The following ALDH18A1 variants were observed in gnomAD, a reference collection of about 807,000 sequenced individuals.
The protein encoded by ALDH18A1 is delta-1-pyrroline-5-carboxylate synthase.
A neutral mutation model predicts 88.8 loss-of-function variants in ALDH18A1; 44 were observed. The observed-to-expected ratio is 0.50, with a 90% CI of 0.39 to 0.64. The LOEUF (loss-of-function observed/expected upper bound fraction) is 0.64. Ranked by LOEUF, ALDH18A1 falls within the 30% of genes least tolerant of loss-of-function variation. ALDH18A1 has a pLI of 0.00. For synonymous variants in ALDH18A1, 331 were observed against 372.1 expected (o/e 0.89, Z 1.27); for missense variants, 782 against 1,009.5 (o/e 0.77, Z 3.05).
intron 2 of ALDH18A1, among the ~76,000 whole-genome samples, chr10:95,643,643 A>G (rs2097895980): frequency 6.6e-6 from 1 of 152,250 alleles, no homozygotes; most frequent in Non-Finnish European, 1.5e-5. Context: ...AGAAAAATAC[A>G]TGTTAATTTC....
At chr10:95,612,460 C>T (rs551964626) in intron 15 of ALDH18A1, among the ~76,000 whole-genome samples, 1 of 152,306 alleles carries the variant, frequency 6.6e-6, no homozygotes, top group Admixed American at 6.5e-5. Flanking sequence ...TGCCTTGGCT[C>T]AAGTTATAAG....
Position 95,628,461 on chromosome 10 carries a change from A to C in ALDH18A1, c.840T>G (p.Asp280Glu). ...GATAAAATATATCAATAAGCTTTGC[A>C]TCATCTGAACCTGGGGGGCTGTCAA... ...GLFDSPPGSD[D>E]AKLIDIFYPG... The change falls in exon 8 of 18, where the codon GAT (aspartate) becomes GAG (glutamate). Residue 280 changes from aspartate (D) to glutamate (E), a missense_variant. Coordinates refer to ENST00000371224, the MANE Select transcript of ALDH18A1 (RefSeq NM_002860.4). 6.2e-7 allele frequency: 1 copy of C among 1,614,000 alleles called. No individual in the cohort carries two copies. The highest frequency in any genetic ancestry group is 8.5e-7 in the Non-Finnish European group (1 of 1,179,976).
intron 17 of ALDH18A1, among the ~76,000 whole-genome samples, chr10:95,608,771 G>C (rs996441967): frequency 2.0e-5 from 3 of 152,226 alleles, no homozygotes; most frequent in African/African-American, 7.2e-5. Context: ...AAAGTGCCGG[G>C]ATTACAGGTG....
At chr10:95,647,142 AC>A (rs2097902613) in intron 2 of ALDH18A1, among the ~76,000 whole-genome samples, 1 of 152,100 alleles carries the variant, frequency 6.6e-6, no homozygotes, top group South Asian at 2.1e-4. Flanking sequence ...AAATTCAAAA[AC>A]CTAGGGAAAC....
chr10:95,645,588 G>T (rs921879603), intron 2 of ALDH18A1, among the ~76,000 whole-genome samples: 2 of 152,172 alleles, frequency 1.3e-5, no homozygotes, highest in African/African-American at 2.4e-5. Flanking sequence ...ATCTTAGAAA[G>T]AACATTTCTA....
chr10:95,620,328 T>G (rs907354850), intron 12 of ALDH18A1, among the ~76,000 whole-genome samples: 1 of 152,198 alleles, frequency 6.6e-6, no homozygotes. Flanking sequence ...TTTTACACTG[T>G]TGGTGGGAGT....
intron 3 of ALDH18A1, among the ~76,000 whole-genome samples, chr10:95,638,556 A>G (rs979259713): frequency 1.3e-5 from 2 of 152,180 alleles, no homozygotes; most frequent in African/African-American, 4.8e-5. Flanking sequence ...AGGAAATGCA[A>G]CGCAGACTCA....
At chr10:95,628,522 G>A (rs111931001) in intron 7 of ALDH18A1, 30 bp from the exon 8 acceptor site, 3 of 1,608,876 alleles carry the variant, frequency 1.9e-6, no homozygotes, top group East Asian at 2.2e-5. Context: ...CAGTAATACT[G>A]CTTTGATGGA....
rs376318375 is a variant in ALDH18A1 at position 95,625,100 on chromosome 10, T to C, written c.1246+262A>G. Among the ~76,000 whole-genome samples the C allele has an allele frequency of 1.4e-4, 22 of 152,326 alleles. No homozygotes were observed. The East Asian group carries it at 3.1e-3, about 21-fold the overall frequency. ...TTAAGCAGTGGGGTTCTCAATCTTG[T>C]TCTTTTTTGTCCTGACCGCCATAGT... On this transcript the variant is annotated intron_variant, in intron 11 of 17. Transcript: ENST00000371224.
intron 5 of ALDH18A1, among the ~76,000 whole-genome samples, chr10:95,635,370 G>A (rs1222583210): frequency 6.6e-6 from 1 of 152,154 alleles, no homozygotes. Context: ...CACAAACATG[G>A]CCTGGGGATC....
intron 10 of ALDH18A1, among the ~76,000 whole-genome samples, chr10:95,625,898 AG>A (rs2097859747): frequency 1.3e-5 from 2 of 152,034 alleles, no homozygotes; most frequent in Non-Finnish European, 2.9e-5. Context: ...ATCATTAGTT[AG>A]TTTATGTCCA....
At position 95,611,308 on chromosome 10, in the gene ALDH18A1, G is replaced by C; in HGVS notation, c.2058C>G (p.Asp686Glu). 1.2e-6 allele frequency: 2 copies of C among 1,614,214 alleles called. No individual in the cohort carries two copies. ...EVVDNVQDAI[D>E]HIHKYGSSHT... ...GGGAGCTGCCATACTTGTGGATGTG[G>C]TCAATGGCATCCTGAACGTTGTCCA... Residue 686 changes from aspartate (D) to glutamate (E), a missense_variant, in exon 16 of 18, where the codon GAC becomes GAG. By Grantham distance (45) the Asp-to-Glu change is conservative. This residue lies in a region of ALDH18A1 where 556 missense variants were observed against 654.5 expected (regional missense o/e 0.85). Transcript: ENST00000371224.
intron 2 of ALDH18A1, among the ~76,000 whole-genome samples, chr10:95,651,454 G>C (rs368928433): frequency 2.0e-5 from 3 of 152,202 alleles, no homozygotes; most frequent in African/African-American, 7.2e-5. Context: ...TTGCTGTAAA[G>C]AAATACCTGA....
At position 95,628,509 on chromosome 10, in the gene ALDH18A1, A is replaced by C. The variant is rs941145906; in HGVS notation, c.809-17T>G. On this transcript the variant is annotated splice_polypyrimidine_tract_variant and intron_variant, in intron 7 of 17. Transcript: ENST00000371224. ...CAAAAAGGCCTAAAAAATAGACAAGAGTCAGTAATACTGCTTTGATGGAAG... is the reference window on the plus strand; with the variant it reads ...CAAAAAGGCCTAAAAAATAGACAAGCGTCAGTAATACTGCTTTGATGGAAG... The C allele has an allele frequency of 5.6e-6, 9 of 1,611,292 alleles. No homozygotes were observed. The highest frequency in any genetic ancestry group is 3.3e-5 in the South Asian group (3 of 91,084).
In ALDH18A1 at chr10:95,611,146, C is replaced by A. The variant is rs2097833445; in HGVS notation, c.2110+110G>T. On this transcript the variant is annotated intron_variant, in intron 16 of 17. Coordinates refer to ENST00000371224, the MANE Select transcript of ALDH18A1 (RefSeq NM_002860.4). ...AAATGCAACCACTACTAAACATTAC[C>A]ATAAGCCTACTCAAATGATGTTTTT... The A allele has an allele frequency of 5.4e-6, 7 of 1,307,560 alleles. No individual in the cohort carries two copies. In the South Asian group the frequency reaches 8.6e-5, roughly 16 times the overall value. 81.0% of individuals were successfully genotyped at this position (1,307,560 alleles called of 1,614,324 possible). A position where few individuals can be genotyped will look rare whatever the true frequency, so the allele number is the denominator to read the frequency against.
At chr10:95,632,520 T>C (rs117973880) in intron 7 of ALDH18A1, among the ~76,000 whole-genome samples, 5,111 of 152,274 alleles carry the variant, frequency 0.034, 114 homozygotes, top group Non-Finnish European at 0.049. Flanking sequence ...CATACCACCA[T>C]GTCCAGCTGA....
rs145294634 is a variant in ALDH18A1, at chr10:95,626,749, A to G, written c.1106T>C (p.Met369Thr). The G allele has an allele frequency of 1.1e-5, 17 of 1,613,808 alleles. No homozygotes were observed. In the African/African-American group the frequency reaches 1.6e-4, roughly 15 times the overall value. Residue 369 changes from methionine (M) to threonine (T), a missense_variant, in exon 10 of 18, where the codon ATG becomes ACG. This residue lies in a region of ALDH18A1 where 556 missense variants were observed against 654.5 expected (regional missense o/e 0.85). Coordinates refer to ENST00000371224, the MANE Select transcript of ALDH18A1 (RefSeq NM_002860.4). ...AGPTVEQQGE[M>T]ARSGGRMLAT... ...CAACATCCTTCCTCCAGATCGCGCC[A>G]TTTCTCCCTGCTGCTCAACAGTAGG...
chr10:95,622,682 C>T (rs540595050), intron 11 of ALDH18A1, among the ~76,000 whole-genome samples: 10 of 152,172 alleles, frequency 6.6e-5, no homozygotes, highest in East Asian at 1.9e-4. Context: ...GGACTACAGG[C>T]GCCCGCCACC....
At chr10:95,626,074 G>C (rs1343881998) in intron 10 of ALDH18A1, among the ~76,000 whole-genome samples, 1 of 152,198 alleles carries the variant, frequency 6.6e-6, no homozygotes, top group Non-Finnish European at 1.5e-5. Context: ...GCAGAGGGAA[G>C]TGGTTTGAAA....
Sources: gnomAD v4.1 joint callset for allele counts (sites outside exome capture counted in the v4.1 genomes callset) on GRCh38, gnomAD v4.1.1 for gene constraint, gnomAD v4.1.1 regional missense constraint, MANE v1.5 for transcripts, NCBI Gene and HGNC (gene_info 2026-07-23, HGNC 2026-07-21) for gene names.